FHIT: variants seen among roughly 807,000 people sequenced by gnomAD.
The protein encoded by FHIT is bis(5'-adenosyl)-triphosphatase.
In FHIT, 19 loss-of-function variants were observed where a neutral mutation model predicts 17.9. The ratio of observed to expected loss-of-function variants is 1.06; its 90% confidence interval spans 0.74 to 1.56. The LOEUF (loss-of-function observed/expected upper bound fraction) is 1.56, where lower values mean the gene tolerates loss of function less well. Ranked by LOEUF, FHIT falls within the 40% of genes most tolerant of loss-of-function variation. FHIT has a pLI of 0.00. For synonymous variants in FHIT, 81 were observed against 69.7 expected, an observed-to-expected ratio of 1.16 and a Z score of -0.81; for missense variants, 248 against 189.2, an observed-to-expected ratio of 1.31 and a Z score of -1.82.
chr3:60,138,071 T>C (rs926608079), intron 5 of FHIT, among the ~76,000 whole-genome samples: 2 of 152,216 alleles, frequency 1.3e-5, no homozygotes, highest in East Asian at 3.8e-4. Context: ...ATGAGAAGAC[T>C]GAAGTTTACT....
intron 5 of FHIT, among the ~76,000 whole-genome samples, chr3:60,253,027 A>C (rs1264805337): frequency 6.6e-6 from 1 of 152,126 alleles, no homozygotes; most frequent in Non-Finnish European, 1.5e-5. Flanking sequence ...ATAATAAAAA[A>C]TAAAAACAAA....
At chr3:60,188,995 A>C (rs1043649827) in intron 5 of FHIT, among the ~76,000 whole-genome samples, 4 of 152,138 alleles carry the variant, frequency 2.6e-5, no homozygotes, top group African/African-American at 9.7e-5. Context: ...ATCAGAAATG[A>C]TCTGCAGCCC....
At chr3:60,202,086 C>A (rs1186715934) in intron 5 of FHIT, among the ~76,000 whole-genome samples, 1 of 152,146 alleles carries the variant, frequency 6.6e-6, no homozygotes, top group Non-Finnish European at 1.5e-5. Flanking sequence ...TTCATTCAAT[C>A]CATAAAAATG....
intron 5 of FHIT, among the ~76,000 whole-genome samples, chr3:60,445,048 G>A (rs557221195): frequency 1.3e-5 from 2 of 152,108 alleles, no homozygotes; most frequent in Non-Finnish European, 1.5e-5. Flanking sequence ...CACCACAGAT[G>A]TGGCTTAGTT....
intron 4 of FHIT, among the ~76,000 whole-genome samples, chr3:60,753,258 A>T (rs1368770873): frequency 6.6e-6 from 1 of 152,210 alleles, no homozygotes; most frequent in African/African-American, 2.4e-5. Flanking sequence ...ATGAACTATT[A>T]AAAAAATAAA....
chr3:60,110,115 A>T (rs1482449473), intron 5 of FHIT, among the ~76,000 whole-genome samples: 1 of 152,158 alleles, frequency 6.6e-6, no homozygotes, highest in South Asian at 2.1e-4. Context: ...AATCTTCTTC[A>T]TCACTCTATT....
intron 2 of FHIT, among the ~76,000 whole-genome samples, chr3:61,153,056 T>C (rs1039305117): frequency 6.6e-6 from 1 of 151,476 alleles, no homozygotes; most frequent in African/African-American, 2.4e-5. Context: ...GGCAGGTGAA[T>C]TGCTTGAACC....
chr3:61,090,031 G>A (rs187442638), intron 2 of FHIT, among the ~76,000 whole-genome samples: 7 of 152,266 alleles, frequency 4.6e-5, no homozygotes, highest in Admixed American at 1.3e-4. Context: ...TCATTCACTC[G>A]TGGTGAAATG....
At chr3:60,652,901 G>T (rs747332027) in intron 4 of FHIT, among the ~76,000 whole-genome samples, 183 of 135,080 alleles carry the variant, frequency 1.4e-3, no homozygotes, top group Non-Finnish European at 2.2e-3. Flanking sequence ...CAGAGTGAAA[G>T]TTCATCTCAA....
chr3:60,569,389 T>G (rs2037255839), intron 4 of FHIT, among the ~76,000 whole-genome samples: 1 of 152,132 alleles, frequency 6.6e-6, no homozygotes, highest in African/African-American at 2.4e-5. Context: ...GCTAACTCCT[T>G]TATCTTATTC....
intron 4 of FHIT, among the ~76,000 whole-genome samples, chr3:60,801,175 G>A (rs1575542496): frequency 6.6e-6 from 1 of 152,196 alleles, no homozygotes; most frequent in Admixed American, 6.5e-5. Context: ...ACAAGGCATG[G>A]AAGAGATTAT....
At chr3:60,399,760 C>T (rs1701588893) in intron 5 of FHIT, among the ~76,000 whole-genome samples, 1 of 152,072 alleles carries the variant, frequency 6.6e-6, no homozygotes, top group Non-Finnish European at 1.5e-5. Flanking sequence ...ATTATAATCA[C>T]CTTTTAGCCT....
chr3:61,143,995 T>C (rs1257382824), intron 2 of FHIT, among the ~76,000 whole-genome samples: 1 of 152,256 alleles, frequency 6.6e-6, no homozygotes, highest in East Asian at 1.9e-4. Context: ...ACATAATAAA[T>C]GAATTACCTT....
chr3:60,288,818 C>T (rs1011787148), intron 5 of FHIT, among the ~76,000 whole-genome samples: 1 of 151,764 alleles, frequency 6.6e-6, no homozygotes, highest in Non-Finnish European at 1.5e-5. Context: ...ACAATGAAAC[C>T]CAATGGAAGC....
intron 4 of FHIT, among the ~76,000 whole-genome samples, chr3:60,554,881 T>C (rs1436089014): frequency 6.6e-6 from 1 of 152,180 alleles, no homozygotes; most frequent in Non-Finnish European, 1.5e-5. Flanking sequence ...GCTCATAGGT[T>C]TTTGCTAAAA....
At chr3:60,370,138 G>C (rs368740588) in intron 5 of FHIT, among the ~76,000 whole-genome samples, 1 of 152,168 alleles carries the variant, frequency 6.6e-6, no homozygotes, top group Non-Finnish European at 1.5e-5. Context: ...AAAAGGAAGA[G>C]CTGCTAGAAA....
At chr3:61,202,158 C>T (rs960628972) in intron 1 of FHIT, among the ~76,000 whole-genome samples, 2 of 152,038 alleles carry the variant, frequency 1.3e-5, no homozygotes, top group Admixed American at 6.6e-5. Flanking sequence ...AAGTGAGAAG[C>T]GCCTCTGCTC....
At position 60,583,097 on chromosome 3, in the gene FHIT, A is replaced by T. The variant is rs368950907; in HGVS notation, c.-17-46118T>A. ...CAACACAAGAAAACAGGAGGAAAAA[A>T]CTCTCTTTACACAGCATTAGGTAAT... On this transcript the variant is annotated intron_variant, in intron 4 of 9. Transcript: ENST00000492590. Among the ~76,000 whole-genome samples the T allele has an allele frequency of 2.0e-5, 3 of 151,242 alleles. No individual in the cohort carries two copies. The East Asian group carries it at 5.9e-4, about 30-fold the overall frequency.
chr3:59,753,515 TTTATTGTTCC>T (rs1701033428), intron 8 of FHIT, among the ~76,000 whole-genome samples: 1 of 152,156 alleles, frequency 6.6e-6, no homozygotes. Context: ...ATTAACTAAA[TTTATTGTTCC>T]TGTGTGTGGC....
Sources: allele counts gnomAD v4.1 joint callset (sites outside exome capture counted in the v4.1 genomes callset), GRCh38; gene constraint gnomAD v4.1.1; transcripts MANE v1.5; gene names NCBI Gene and HGNC (gene_info 2026-07-23, HGNC 2026-07-21).